INPP4B: variants seen among roughly 807,000 people sequenced by gnomAD.
INPP4B encodes the protein inositol polyphosphate-4-phosphatase type II B.
INPP4B carries 55 observed loss-of-function variants against 122.5 expected under a neutral mutation model. The observed-to-expected ratio is 0.45, with a 90% CI of 0.36 to 0.56. The LOEUF (loss-of-function observed/expected upper bound fraction) is 0.56, where lower values mean the gene tolerates loss of function less well. Ranked by LOEUF, INPP4B falls within the 20% of genes least tolerant of loss-of-function variation. The probability of loss-of-function intolerance (pLI) is 0.00; values close to 1 mark genes in which losing one functional copy is unlikely to be tolerated. For synonymous variants in INPP4B, 403 were observed against 388.7 expected (o/e 1.04, Z -0.43); for missense variants, 1,000 against 1,097.7 (o/e 0.91, Z 1.26).
chr4:142,641,921 C>T (rs1376820327), intron 2 of INPP4B, among the ~76,000 whole-genome samples: 4 of 152,166 alleles, frequency 2.6e-5, no homozygotes, highest in African/African-American at 9.7e-5. Context: ...ACATCCTCTC[C>T]AGCACCTCTT....
At chr4:142,143,512 C>T (rs2152835361) in intron 18 of INPP4B, among the ~76,000 whole-genome samples, 1 of 152,136 alleles carries the variant, frequency 6.6e-6, no homozygotes, top group South Asian at 2.1e-4. Context: ...TTCACCCACA[C>T]ATACACATGC....
chr4:142,251,661 A>G (rs1732130441), intron 11 of INPP4B, among the ~76,000 whole-genome samples: 1 of 152,130 alleles, frequency 6.6e-6, no homozygotes, highest in South Asian at 2.1e-4. Flanking sequence ...TCCTTGGGTT[A>G]ATTCTTCATT....
rs1462838163 is a variant in INPP4B at position 142,152,220 on chromosome 4, GCCC to G, written c.1564-6227_1564-6225del. On this transcript the variant is annotated intron_variant, in intron 17 of 25. Transcript: ENST00000262992. The stretch of plus-strand genomic sequence containing the variant: ...TCCCGGAGTAGCTGGGACTACAGGC[GCCC>G]ACCACCACACCCGGCTAATTTTTTT... Among the ~76,000 whole-genome samples, 12 of 151,124 alleles carry G rather than the reference GCCC, an allele frequency of 7.9e-5. No homozygotes were observed. The Middle Eastern group carries it at 0.02, about 257-fold the overall frequency.
intron 1 of INPP4B, among the ~76,000 whole-genome samples, chr4:142,807,256 A>T (rs1178661979): frequency 6.6e-6 from 1 of 152,236 alleles, no homozygotes. Flanking sequence ...AAAGGCACCA[A>T]GAAAATTCCC....
chr4:142,562,641 G>T (rs923801407), intron 2 of INPP4B, among the ~76,000 whole-genome samples: 6 of 151,804 alleles, frequency 4.0e-5, no homozygotes, highest in Non-Finnish European at 7.4e-5. Context: ...CCAACAGGTT[G>T]CACAAAACCC....
chr4:142,571,680 G>T (rs1298084783), intron 2 of INPP4B, among the ~76,000 whole-genome samples: 1 of 152,026 alleles, frequency 6.6e-6, no homozygotes, highest in Non-Finnish European at 1.5e-5. Flanking sequence ...CCCAAAAAAT[G>T]AAAAAGTAAG....
chr4:142,763,826 A>C (rs1412429090), intron 1 of INPP4B, among the ~76,000 whole-genome samples: 2 of 152,138 alleles, frequency 1.3e-5, no homozygotes, highest in Non-Finnish European at 2.9e-5. Flanking sequence ...GCTTTGTAAA[A>C]ATTTTTTTAA....
intron 22 of INPP4B, among the ~76,000 whole-genome samples, chr4:142,109,759 G>A (rs1244377530): frequency 2.0e-5 from 3 of 152,080 alleles, no homozygotes; most frequent in Non-Finnish European, 2.9e-5. Context: ...ATTATTGCAT[G>A]AGCCGAACTG....
intron 23 of INPP4B, 69 bp from the exon 24 acceptor site, chr4:142,086,325 T>A (rs1200293710): frequency 1.1e-5 from 9 of 827,932 alleles, no homozygotes; most frequent in Non-Finnish European, 1.4e-5. Context: ...CCATGGAGGT[T>A]TTTTCAATAC....
chr4:142,029,023 T>C, intron 25 of INPP4B, 109 bp from the exon 26 acceptor site: 3 of 1,449,852 alleles, frequency 2.1e-6, no homozygotes, highest in Non-Finnish European at 2.7e-6. Context: ...TAACAAAGAT[T>C]CAACTCTACA....
chr4:142,350,441 A>C (rs1298900364), intron 7 of INPP4B, among the ~76,000 whole-genome samples: 2 of 151,986 alleles, frequency 1.3e-5, no homozygotes, highest in Non-Finnish European at 2.9e-5. Flanking sequence ...TAAGACCTAC[A>C]TCAGTTTTCC....
rs374537046 is a variant in INPP4B, at chr4:142,702,452, C to T, written c.-191+23387G>A. ...AAAGCATGAACTTCGAGGCCAGGCG[C>T]GGTGGCTCACGCCTGTACTCCCAGC... On this transcript the variant is annotated intron_variant, in intron 2 of 25. Coordinates refer to ENST00000262992, the MANE Select transcript of INPP4B (RefSeq NM_001101669.3). 6.6e-5 allele frequency among the ~76,000 whole-genome samples: 10 copies of T among 152,082 alleles called. 1 individual carries two copies. Among genetic ancestry groups the T allele is most frequent in the East Asian group, 3.9e-4 (2 of 5,188 alleles).
At chr4:142,777,711 C>A (rs1473087172) in intron 1 of INPP4B, among the ~76,000 whole-genome samples, 1 of 152,164 alleles carries the variant, frequency 6.6e-6, no homozygotes, top group African/African-American at 2.4e-5. Flanking sequence ...TCATACGAGG[C>A]AATGATTCTT....
intron 1 of INPP4B, among the ~76,000 whole-genome samples, chr4:142,734,533 G>A (rs1766544055): frequency 6.6e-6 from 1 of 152,128 alleles, no homozygotes; most frequent in African/African-American, 2.4e-5. Flanking sequence ...AATGTATTGA[G>A]TTGTACACTT....
rs1432955547 is a variant in INPP4B at position 142,816,689 on chromosome 4, TAC to T, written c.-254+29518_-254+29519del. Among the ~76,000 whole-genome samples, 8 of 152,182 alleles carry T rather than the reference TAC, an allele frequency of 5.3e-5. No homozygotes were observed. The South Asian group carries it at 1.7e-3, about 32-fold the overall frequency. ...AAATATATATACATATATATATACA[TAC>T]ACACACACATATTCAGCCATTACTC... is the stretch of plus-strand genomic sequence containing the variant. On this transcript the variant is annotated intron_variant, in intron 1 of 25. Transcript: ENST00000262992.
At chr4:142,256,922 A>G (rs910583684) in intron 11 of INPP4B, among the ~76,000 whole-genome samples, 2 of 152,196 alleles carry the variant, frequency 1.3e-5, no homozygotes, top group Non-Finnish European at 1.5e-5. Flanking sequence ...TTTTAGACCA[A>G]TATCTCTGAT....
chr4:142,827,641 A>G (rs1318362156), intron 1 of INPP4B, among the ~76,000 whole-genome samples: 2 of 152,180 alleles, frequency 1.3e-5, no homozygotes, highest in African/African-American at 4.8e-5. Context: ...TATATTTCCT[A>G]AAGAGAAGTT....
intron 7 of INPP4B, 47 bp from the exon 8 acceptor site, chr4:142,314,809 G>A: frequency 6.7e-7 from 1 of 1,493,450 alleles, no homozygotes; most frequent in Non-Finnish European, 9.1e-7. Context: ...AGAAACTAGT[G>A]CAGAAGCCTC....
At chr4:142,263,671 T>TAA (rs1741346490) in intron 10 of INPP4B, among the ~76,000 whole-genome samples, 6 of 108,170 alleles carry the variant, frequency 5.5e-5, no homozygotes, top group Non-Finnish European at 9.1e-5. Flanking sequence ...TATATATATA[T>TAA]ATATATATAA....
Sources: gnomAD v4.1 joint callset for allele counts (sites outside exome capture counted in the v4.1 genomes callset) on GRCh38, gnomAD v4.1.1 for gene constraint, MANE v1.5 for transcripts, NCBI Gene and HGNC (gene_info 2026-07-23, HGNC 2026-07-21) for gene names.